Variants in ANKS1B observed in about 807,000 individuals in gnomAD.
ANKS1B encodes ankyrin repeat and sterile alpha motif domain containing 1B, also known as ankyrin repeat and sterile alpha motif domain-containing protein 1B.
In ANKS1B, 36 loss-of-function variants were observed where a neutral mutation model predicts 148.3. The ratio of observed to expected loss-of-function variants is 0.24; its 90% CI spans 0.19 to 0.32. ANKS1B has a LOEUF of 0.32. Among genes scored for constraint, ANKS1B ranks in the 10% least tolerant of loss-of-function variants. The pLI is 1.00. For missense variants in ANKS1B, 1,157 were observed against 1,542.6 expected, an observed-to-expected ratio of 0.75 and a Z score of 4.19; for synonymous variants, 542 against 560.8, an observed-to-expected ratio of 0.97 and a Z score of 0.47.
chr12:99,461,999 C>T (rs1385253105), intron 10 of ANKS1B, among the ~76,000 whole-genome samples: 1 of 152,172 alleles, frequency 6.6e-6, no homozygotes. Flanking sequence ...CCCTTTCCAT[C>T]TTCACATTTA....
chr12:99,694,132 G>C (rs1372514613), intron 8 of ANKS1B, among the ~76,000 whole-genome samples: 3 of 148,796 alleles, frequency 2.0e-5, no homozygotes, highest in African/African-American at 7.4e-5. Context: ...TTCTATAAAA[G>C]CATTAGAATT....
chr12:99,065,975 G>A (rs1201695939), intron 16 of ANKS1B, among the ~76,000 whole-genome samples: 2 of 152,076 alleles, frequency 1.3e-5, no homozygotes, highest in Non-Finnish European at 2.9e-5. Flanking sequence ...AAATAGCGTG[G>A]TTAGGGGAAG....
At chr12:98,938,432 G>A (rs1313783912) in intron 17 of ANKS1B, among the ~76,000 whole-genome samples, 6 of 152,156 alleles carry the variant, frequency 3.9e-5, no homozygotes, top group Admixed American at 3.9e-4. Context: ...GATTCAATTG[G>A]TATGGGATAT....
At chr12:99,816,844 A>G (rs1162643954) in intron 2 of ANKS1B, among the ~76,000 whole-genome samples, 10 of 151,720 alleles carry the variant, frequency 6.6e-5, no homozygotes, top group Non-Finnish European at 1.5e-4. Flanking sequence ...TTCATATATA[A>G]TATCTAAATT....
In ANKS1B at chr12:99,769,725, T is replaced by C. The variant is rs74606455; in HGVS notation, c.1128+3197A>G. On this transcript the variant is annotated intron_variant, in intron 8 of 26. Coordinates refer to ENST00000683438, the MANE Select transcript of ANKS1B (RefSeq NM_001352186.2). ...TAATACTATCCTTTTCAAAGGGTTA[T>C]TGTGAGGATTAAATCAGTTAATACA... 0.015 allele frequency among the ~76,000 whole-genome samples: 2,285 copies of C among 152,316 alleles called. 110 individuals are homozygous for C. The East Asian group carries it at 0.15, about 10-fold the overall frequency.
downstream of ANKS1B, among the ~76,000 whole-genome samples, chr12:98,743,344 C>A (rs1446585608): frequency 6.7e-6 from 1 of 148,652 alleles, no homozygotes; most frequent in Admixed American, 6.7e-5. Flanking sequence ...GGTTCGTTAA[C>A]TCAGATTTAT....
intron 14 of ANKS1B, among the ~76,000 whole-genome samples, chr12:99,196,476 AT>A (rs2081388505): frequency 6.6e-6 from 1 of 152,144 alleles, no homozygotes. Flanking sequence ...ACTACAAGCC[AT>A]TCTGTCAATT....
At chr12:98,846,760 T>A (rs1330665876) in intron 17 of ANKS1B, among the ~76,000 whole-genome samples, 1 of 152,244 alleles carries the variant, frequency 6.6e-6, no homozygotes, top group African/African-American at 2.4e-5. Flanking sequence ...CCTCTACTCA[T>A]CTTCTACTCT....
At chr12:99,517,496 T>A (rs1170540527) in intron 9 of ANKS1B, among the ~76,000 whole-genome samples, 1 of 151,366 alleles carries the variant, frequency 6.6e-6, no homozygotes, top group African/African-American at 2.4e-5. Context: ...GATGGGCGGA[T>A]CATCTGAGGT....
At chr12:98,950,607 T>G (rs1278592574) in intron 17 of ANKS1B, among the ~76,000 whole-genome samples, 1 of 151,942 alleles carries the variant, frequency 6.6e-6, no homozygotes, top group Non-Finnish European at 1.5e-5. Context: ...TGAACTTGAT[T>G]AATTACAAAT....
chr12:98,912,446 T>G (rs2152845493), intron 17 of ANKS1B, among the ~76,000 whole-genome samples: 1 of 152,262 alleles, frequency 6.6e-6, no homozygotes, highest in Middle Eastern at 3.4e-3. Flanking sequence ...CCCCCTTAAG[T>G]CTTCCTGATC....
chr12:99,048,016 G>T (rs1305366803), intron 17 of ANKS1B, among the ~76,000 whole-genome samples: 2 of 152,150 alleles, frequency 1.3e-5, no homozygotes, highest in Non-Finnish European at 2.9e-5. Context: ...TGAACAAGGG[G>T]CCCTATATTT....
At chr12:98,843,552 G>A (rs959245520) in intron 17 of ANKS1B, among the ~76,000 whole-genome samples, 2 of 152,038 alleles carry the variant, frequency 1.3e-5, no homozygotes, top group Non-Finnish European at 2.9e-5. Context: ...CAGATGTTCT[G>A]TTATAGCAAC....
At chr12:99,530,193 A>G (rs913773111) in intron 9 of ANKS1B, among the ~76,000 whole-genome samples, 6 of 152,232 alleles carry the variant, frequency 3.9e-5, no homozygotes, top group African/African-American at 1.4e-4. Context: ...CAAAGAGGTC[A>G]TGCAAAAGAG....
chr12:99,475,074 T>C (rs1317026343), intron 10 of ANKS1B, among the ~76,000 whole-genome samples: 1 of 148,736 alleles, frequency 6.7e-6, no homozygotes, highest in Non-Finnish European at 1.5e-5. Context: ...CCATCTGTAC[T>C]AAAAATACAA....
At chr12:98,839,250 T>C (rs1169925466) in intron 17 of ANKS1B, among the ~76,000 whole-genome samples, 4 of 152,170 alleles carry the variant, frequency 2.6e-5, no homozygotes, top group South Asian at 2.1e-4. Context: ...ACCACCATGT[T>C]ATGCAATTTG....
At chr12:99,234,649 A>G (rs1161526164) in intron 14 of ANKS1B, among the ~76,000 whole-genome samples, 4 of 152,108 alleles carry the variant, frequency 2.6e-5, no homozygotes, top group Non-Finnish European at 5.9e-5. Context: ...GTGCATCTCT[A>G]CACTCATCCT....
rs2091123734 is a variant in ANKS1B, at chr12:99,349,296, AT to A, written c.1756+50334del. Reference sequence around the variant, plus strand: ...GGAGGAATTAAGGAACAAAAAGGTTATAAGACATCAGAAAACAAATAGCAAA... The same window carrying A: ...GGAGGAATTAAGGAACAAAAAGGTTAAAGACATCAGAAAACAAATAGCAAA... On this transcript the variant is annotated intron_variant, in intron 12 of 26. Coordinates refer to ENST00000683438, the MANE Select transcript of ANKS1B (RefSeq NM_001352186.2). 1.4e-4 allele frequency among the ~76,000 whole-genome samples: 21 copies of A among 152,120 alleles called. No homozygotes were observed. The South Asian group carries it at 4.3e-3, about 32-fold the overall frequency.
At chr12:99,882,067 T>C (rs575559949) in intron 1 of ANKS1B, among the ~76,000 whole-genome samples, 3 of 152,216 alleles carry the variant, frequency 2.0e-5, no homozygotes, top group South Asian at 2.1e-4. Flanking sequence ...AGCAAGGAAA[T>C]AGAAGACGTG....
Sources: gnomAD v4.1 joint callset for allele counts (sites outside exome capture counted in the v4.1 genomes callset) on GRCh38, gnomAD v4.1.1 for gene constraint, MANE v1.5 for transcripts, NCBI Gene and HGNC (gene_info 2026-07-23, HGNC 2026-07-21) for gene names.